RPH3A: variants seen among roughly 807,000 people sequenced by gnomAD.
RPH3A encodes the protein rabphilin-3A.
In RPH3A, 48 loss-of-function variants were observed where a neutral mutation model predicts 102.2. The ratio of observed to expected loss-of-function variants is 0.47; its 90% CI spans 0.37 to 0.60. The LOEUF (loss-of-function observed/expected upper bound fraction) is 0.60. Among genes scored for constraint, RPH3A ranks in the 20% least tolerant of loss-of-function variants. The probability of loss-of-function intolerance (pLI) is 0.00; values close to 1 mark genes in which losing one functional copy is unlikely to be tolerated. For synonymous variants in RPH3A, 310 were observed against 324.3 expected (o/e 0.96, Z 0.47); for missense variants, 781 against 910.1 (o/e 0.86, Z 1.83).
At chr12:112,742,363 A>G (rs1219714793) in intron 1 of RPH3A, among the ~76,000 whole-genome samples, 1 of 152,174 alleles carries the variant, frequency 6.6e-6, no homozygotes, top group Non-Finnish European at 1.5e-5. Context: ...AGAAGCATCC[A>G]CAGCAGCAGG....
intron 1 of RPH3A, among the ~76,000 whole-genome samples, chr12:112,756,503 C>A (rs764924977): frequency 1.3e-5 from 2 of 152,180 alleles, no homozygotes; most frequent in Admixed American, 6.5e-5. Context: ...TGAGCCCACA[C>A]TTTTTAAAAT....
intron 1 of RPH3A, among the ~76,000 whole-genome samples, chr12:112,599,399 A>C (rs1269152374): frequency 2.0e-5 from 3 of 152,220 alleles, no homozygotes; most frequent in Admixed American, 6.5e-5. Flanking sequence ...CATTGCATCA[A>C]CTACTCAATG....
At chr12:112,855,942 CAG>C (rs2042403425) in intron 5 of RPH3A, among the ~76,000 whole-genome samples, 1 of 152,000 alleles carries the variant, frequency 6.6e-6, no homozygotes. Flanking sequence ...AGGCAAAAAT[CAG>C]AGAGAGACAG....
intron 1 of RPH3A, among the ~76,000 whole-genome samples, chr12:112,608,119 CTT>C (rs529911758): frequency 4.6e-4 from 65 of 142,594 alleles, no homozygotes; most frequent in Middle Eastern, 3.8e-3. Flanking sequence ...CTTTCTTTTT[CTT>C]TTTTTTTTTT....
At chr12:112,599,376 C>T (rs2039540641) in intron 1 of RPH3A, among the ~76,000 whole-genome samples, 1 of 152,182 alleles carries the variant, frequency 6.6e-6, no homozygotes, top group South Asian at 2.1e-4. Flanking sequence ...CATCTCATGC[C>T]TATACAATGC....
chr12:112,825,839 G>T (rs1245242666), intron 2 of RPH3A, among the ~76,000 whole-genome samples: 1 of 152,170 alleles, frequency 6.6e-6, no homozygotes, highest in Non-Finnish European at 1.5e-5. Flanking sequence ...GAGCTAGGAG[G>T]AAAACTAAAT....
intron 1 of RPH3A, among the ~76,000 whole-genome samples, chr12:112,618,301 G>A (rs2039696614): frequency 6.6e-6 from 1 of 151,640 alleles, no homozygotes; most frequent in South Asian, 2.1e-4. Context: ...TTCTCCTCCT[G>A]TCCCAGGTCT....
At chr12:112,836,403 G>A in intron 3 of RPH3A, 88 bp from the exon 4 acceptor site, 1 of 675,134 alleles carries the variant, frequency 1.5e-6, no homozygotes, top group Non-Finnish European at 2.4e-6. Flanking sequence ...CTACGTGAGT[G>A]TTGCATCCAG....
chr12:112,838,768 G>A (rs1168256456), intron 4 of RPH3A, among the ~76,000 whole-genome samples: 1 of 152,144 alleles, frequency 6.6e-6, no homozygotes, highest in African/African-American at 2.4e-5. Flanking sequence ...CAAGGTGGGA[G>A]GCAGGAAAGA....
chr12:112,663,700 A>G (rs900589475), intron 1 of RPH3A, among the ~76,000 whole-genome samples: 15 of 152,176 alleles, frequency 9.9e-5, no homozygotes, highest in African/African-American at 3.1e-4. Context: ...AATGGGTTTG[A>G]ATTGGGTTTC....
intron 1 of RPH3A, among the ~76,000 whole-genome samples, chr12:112,624,114 T>C (rs1381330306): frequency 1.4e-5 from 2 of 138,596 alleles, no homozygotes; most frequent in Admixed American, 7.2e-5. Context: ...GCAGGAAAGA[T>C]CCAAAATTGA....
At chr12:112,641,698 G>A (rs569832488) in intron 1 of RPH3A, among the ~76,000 whole-genome samples, 2 of 152,240 alleles carry the variant, frequency 1.3e-5, no homozygotes, top group African/African-American at 4.8e-5. Context: ...GTGCCCAGCT[G>A]AAGGTTGGAA....
intron 1 of RPH3A, among the ~76,000 whole-genome samples, chr12:112,581,354 G>A (rs1273779298): frequency 6.6e-6 from 1 of 152,082 alleles, no homozygotes; most frequent in Middle Eastern, 3.2e-3. Context: ...ACTATCATGA[G>A]AAAAACATGG....
At chr12:112,719,177 T>C (rs1428471659) in intron 1 of RPH3A, among the ~76,000 whole-genome samples, 1 of 152,218 alleles carries the variant, frequency 6.6e-6, no homozygotes. Flanking sequence ...CATATGCCAA[T>C]AGTGCTGAGG....
chr12:112,645,027 T>A (rs232918), intron 1 of RPH3A, among the ~76,000 whole-genome samples: 71,209 of 152,060 alleles, frequency 0.47, 20,148 homozygotes, highest in Non-Finnish European at 0.63. Flanking sequence ...GACGATAAAT[T>A]TTCATTTGAT....
At chr12:112,882,080 G>T (rs2042924134) in intron 15 of RPH3A, among the ~76,000 whole-genome samples, 1 of 152,210 alleles carries the variant, frequency 6.6e-6, no homozygotes, top group Admixed American at 6.5e-5. Context: ...CTGGGCAGCT[G>T]CCAATGCCAG....
intron 1 of RPH3A, among the ~76,000 whole-genome samples, chr12:112,722,939 G>A (rs571844326): frequency 6.6e-6 from 1 of 152,292 alleles, no homozygotes; most frequent in Admixed American, 6.5e-5. Flanking sequence ...TTAATATGCT[G>A]CTAAATTGAA....
intron 1 of RPH3A, among the ~76,000 whole-genome samples, chr12:112,605,373 TCAAACAAACAAA>T (rs535018938): frequency 6.6e-6 from 1 of 151,870 alleles, no homozygotes; most frequent in African/African-American, 2.4e-5. Flanking sequence ...AGACTCCATC[TCAAACAAACAAA>T]CAAACAAACA....
At chr12:112,825,361 A>G (rs1228814838) in intron 2 of RPH3A, among the ~76,000 whole-genome samples, 1 of 152,184 alleles carries the variant, frequency 6.6e-6, no homozygotes, top group Non-Finnish European at 1.5e-5. Flanking sequence ...AGATTGAATA[A>G]TTACAAAGGA....
Sources: gnomAD v4.1 joint callset for allele counts (sites outside exome capture counted in the v4.1 genomes callset) on GRCh38, gnomAD v4.1.1 for gene constraint, MANE v1.5 for transcripts, NCBI Gene and HGNC (gene_info 2026-07-23, HGNC 2026-07-21) for gene names.